The following ERAP1 variants were observed in gnomAD, a reference collection of about 807,000 sequenced individuals.
ERAP1 encodes the protein endoplasmic reticulum aminopeptidase 1.
Under a neutral mutation model 103.7 loss-of-function variants are expected in ERAP1, and 86 were observed. That is an observed-to-expected ratio of 0.83 (90% CI 0.70 to 0.99). ERAP1 has a LOEUF of 0.99. ERAP1 is among the 50% of genes least tolerant of loss of function. The probability of loss-of-function intolerance (pLI) is 0.00; values close to 1 mark genes in which losing one functional copy is unlikely to be tolerated. For synonymous variants in ERAP1, 398 were observed against 402.4 expected, an observed-to-expected ratio of 0.99 and a Z score of 0.13; for missense variants, 1,009 against 1,128.4, an observed-to-expected ratio of 0.89 and a Z score of 1.52.
chr5:96,824,495 C>T, the ERAP1 span, among the ~76,000 whole-genome samples: 2 of 152,204 alleles, frequency 1.3e-5, no homozygotes, highest in Non-Finnish European at 2.9e-5. Flanking sequence ...GTTCTAATCC[C>T]TGTCCATCCT....
the ERAP1 span, among the ~76,000 whole-genome samples, chr5:96,877,337 T>C: frequency 6.6e-4 from 101 of 152,214 alleles, no homozygotes; most frequent in Non-Finnish European, 1.4e-3. Context: ...TTACTAGTTC[T>C]AAAGTTAAAG....
the ERAP1 span, among the ~76,000 whole-genome samples, chr5:96,839,604 A>G: frequency 1.3e-5 from 2 of 152,214 alleles, no homozygotes; most frequent in African/African-American, 4.8e-5. Context: ...TTTAGGATAT[A>G]TATCGACACG....
the ERAP1 span, among the ~76,000 whole-genome samples, chr5:96,827,652 G>A: frequency 6.6e-6 from 1 of 150,514 alleles, no homozygotes; most frequent in South Asian, 2.1e-4. Flanking sequence ...GTGACAGAGT[G>A]AGACTCATCT....
chr5:96,822,460 A>G, the ERAP1 span, among the ~76,000 whole-genome samples: 3 of 152,298 alleles, frequency 2.0e-5, no homozygotes, highest in South Asian at 4.1e-4. Flanking sequence ...CTAGAAAAAA[A>G]TCCAGATAAA....
At chr5:96,822,848 G>C in the ERAP1 span, 7 of 281,872 alleles carry the variant, frequency 2.5e-5, no homozygotes, top group Non-Finnish European at 2.9e-5. Flanking sequence ...AGTTTCTGAG[G>C]GCCTTGAGTC....
chr5:96,788,689 G>C lies in ERAP1; in HGVS notation c.1525-4C>G. ...CCACCCCTTCCTGATGCCAATGCTGGTGTGTACACAAAAAGGCAGACACAT... is the reference window on the plus strand; with the variant it reads ...CCACCCCTTCCTGATGCCAATGCTGCTGTGTACACAAAAAGGCAGACACAT... On this transcript the variant is annotated splice_polypyrimidine_tract_variant and splice_region_variant and intron_variant, in intron 10 of 18. Transcript: ENST00000443439. The C allele has an allele frequency of 6.2e-7, 1 of 1,613,670 alleles. No individual in the cohort carries two copies. Among genetic ancestry groups the C allele is most frequent in the African/African-American group, 1.3e-5 (1 of 75,020 alleles).
the ERAP1 span, chr5:96,913,221 C>T: frequency 4.2e-6 from 4 of 963,664 alleles, 1 homozygote; most frequent in Admixed American, 6.3e-5. Flanking sequence ...TATCATGCCT[C>T]TTTCTGTTCT....
chr5:96,804,384 C>T (rs1293004637), intron 1 of ERAP1: 1 of 279,246 alleles, frequency 3.6e-6, no homozygotes, highest in African/African-American at 2.2e-5. Flanking sequence ...GCACCACTCC[C>T]CACTGACACT....
the ERAP1 span, chr5:96,902,507 T>C: frequency 1.8e-6 from 1 of 544,104 alleles, no homozygotes; most frequent in Non-Finnish European, 3.2e-6. Context: ...AATAACTCTT[T>C]TAGTAAGAAA....
chr5:96,856,243 C>T, the ERAP1 span, among the ~76,000 whole-genome samples: 2,668 of 138,926 alleles, frequency 0.019, 38 homozygotes, highest in Non-Finnish European at 0.029. Flanking sequence ...TATTTGAACC[C>T]GGGAGGCGGA....
chr5:96,849,410 T>G, the ERAP1 span, among the ~76,000 whole-genome samples: 1 of 152,088 alleles, frequency 6.6e-6, no homozygotes, highest in Non-Finnish European at 1.5e-5. Context: ...ATAAACAAAT[T>G]GAGTAAAGTA....
the ERAP1 span, among the ~76,000 whole-genome samples, chr5:96,874,438 C>T: frequency 2.0e-5 from 3 of 152,336 alleles, no homozygotes; most frequent in African/African-American, 7.2e-5. Context: ...CACAGAAATA[C>T]TCCCAGCCTC....
chr5:96,776,379 T>G lies in ERAP1; in HGVS notation c.*17A>C, dbSNP rs1065407. On this transcript the variant is annotated 3_prime_UTR_variant, in exon 19 of 19. Coordinates refer to ENST00000443439, the MANE Select transcript of ERAP1 (RefSeq NM_001040458.3). Reference sequence around the variant, plus strand: ...TTGGTGATTAGAGATAACAGGAACCTGGCAAGGGAGGAATTTTTACATACG... The same window carrying G: ...TTGGTGATTAGAGATAACAGGAACCGGGCAAGGGAGGAATTTTTACATACG... 0.32 allele frequency: 506,261 copies of G among 1,599,214 alleles called. 85,794 individuals are homozygous for G. Among genetic ancestry groups the G allele is most frequent in the Non-Finnish European group, 0.35 (415,242 of 1,172,156 alleles).
the ERAP1 span, among the ~76,000 whole-genome samples, chr5:96,893,562 C>A: frequency 6.6e-6 from 1 of 152,188 alleles, no homozygotes; most frequent in Admixed American, 6.6e-5. Flanking sequence ...TCTAATCTTT[C>A]TGCCAGTTGT....
At chr5:96,782,826 A>G (rs1775409258) in intron 15 of ERAP1, among the ~76,000 whole-genome samples, 1 of 152,150 alleles carries the variant, frequency 6.6e-6, no homozygotes, top group Admixed American at 6.5e-5. Flanking sequence ...TTCCCATACC[A>G]TCCTAACTCC....
chr5:96,851,384 C>G, the ERAP1 span, among the ~76,000 whole-genome samples: 1 of 152,126 alleles, frequency 6.6e-6, no homozygotes, highest in Non-Finnish European at 1.5e-5. Flanking sequence ...TCACAATTTA[C>G]ACATTAATTA....
At chr5:96,908,852 A>C in the ERAP1 span, 3 of 1,163,474 alleles carry the variant, frequency 2.6e-6, no homozygotes, top group Non-Finnish European at 3.6e-6. Context: ...TGGCCCAGCT[A>C]TAATGACCTA....
At chr5:96,891,572 T>TATACACAC in the ERAP1 span, among the ~76,000 whole-genome samples, 26 of 133,268 alleles carry the variant, frequency 2.0e-4, no homozygotes, top group African/African-American at 7.6e-4. Flanking sequence ...ACATATATGG[T>TATACACAC]ACACACACAC....
At chr5:96,874,262 G>A in the ERAP1 span, among the ~76,000 whole-genome samples, 2 of 152,192 alleles carry the variant, frequency 1.3e-5, no homozygotes, top group Non-Finnish European at 2.9e-5. Context: ...ACAAGTACTT[G>A]AATCTGGCTC....
Sources: gnomAD v4.1 joint callset for allele counts (sites outside exome capture counted in the v4.1 genomes callset) on GRCh38, gnomAD v4.1.1 for gene constraint, MANE v1.5 for transcripts, NCBI Gene and HGNC (gene_info 2026-07-23, HGNC 2026-07-21) for gene names.